The following IGF2BP3 variants were observed in gnomAD, a reference collection of about 807,000 sequenced individuals.
The protein encoded by IGF2BP3 is insulin-like growth factor 2 mRNA-binding protein 3.
Under a neutral mutation model 73.8 loss-of-function variants are expected in IGF2BP3, and 9 were observed. The ratio of observed to expected loss-of-function variants is 0.12; its 90% CI spans 0.07 to 0.21. IGF2BP3 has a LOEUF of 0.21. Ranked by LOEUF, IGF2BP3 falls within the 10% of genes least tolerant of loss-of-function variation. The pLI is 1.00. For synonymous variants in IGF2BP3, 258 were observed against 256.7 expected (o/e 1.01, Z -0.05); for missense variants, 542 against 714.0 (o/e 0.76, Z 2.75).
intron 3 of IGF2BP3, chr7:23,402,271 A>G (rs376046365): frequency 6.6e-6 from 1 of 152,246 alleles, no homozygotes; most frequent in East Asian, 1.9e-4. Flanking sequence ...AAAGTAACAT[A>G]TACTTTGCAG....
At chr7:23,425,008 AAAC>A (rs1787468154) in intron 2 of IGF2BP3, among the ~76,000 whole-genome samples, 1 of 152,240 alleles carries the variant, frequency 6.6e-6, no homozygotes, top group Admixed American at 6.5e-5. Context: ...CTACTCCAGT[AAAC>A]AACAATGAAA....
At chr7:23,437,776 A>C (rs138488233) in intron 2 of IGF2BP3, among the ~76,000 whole-genome samples, 499 of 152,346 alleles carry the variant, frequency 3.3e-3, no homozygotes, top group Non-Finnish European at 5.5e-3. Context: ...AAAACTATTC[A>C]GTGACTCCTT....
At chr7:23,419,606 C>T (rs985077748) in intron 2 of IGF2BP3, among the ~76,000 whole-genome samples, 3 of 152,312 alleles carry the variant, frequency 2.0e-5, no homozygotes, top group East Asian at 1.9e-4. Context: ...AATCCCAACA[C>T]TTTGGGTGGC....
Position 23,427,717 on chromosome 7 carries a change from G to A in IGF2BP3, c.237-8893C>T, listed in dbSNP as rs556341085. On this transcript the variant is annotated intron_variant, in intron 2 of 14. Coordinates refer to ENST00000258729, the MANE Select transcript of IGF2BP3 (RefSeq NM_006547.3). ...TGAAACCCCATCTCTACTAAAAATA[G>A]AAAAATTAGGCCAGGCACAGTGGCT... 2.7e-5 allele frequency among the ~76,000 whole-genome samples: 4 copies of A among 150,916 alleles called. No homozygotes were observed. The South Asian group carries it at 8.4e-4, about 32-fold the overall frequency.
chr7:23,337,450 G>T (rs1355582078), intron 10 of IGF2BP3, among the ~76,000 whole-genome samples: 3 of 152,134 alleles, frequency 2.0e-5, no homozygotes, highest in Non-Finnish European at 2.9e-5. Flanking sequence ...GCTCTGGGAG[G>T]CTCCTTTAAC....
chr7:23,406,516 C>T (rs906746613), intron 3 of IGF2BP3, among the ~76,000 whole-genome samples: 1 of 152,050 alleles, frequency 6.6e-6, no homozygotes, highest in South Asian at 2.1e-4. Context: ...CCAGTGGGTT[C>T]GTGGTCTTGC....
At chr7:23,398,133 G>A (rs1005966442) in intron 3 of IGF2BP3, among the ~76,000 whole-genome samples, 1 of 143,578 alleles carries the variant, frequency 7.0e-6, no homozygotes, top group Non-Finnish European at 1.5e-5. Flanking sequence ...TCATTGTTCA[G>A]TTCCCACCTA....
At chr7:23,316,673 T>G (rs1462513354) in intron 12 of IGF2BP3, among the ~76,000 whole-genome samples, 8 of 76,342 alleles carry the variant, frequency 1.0e-4, no homozygotes, top group Admixed American at 1.9e-4. Context: ...AGACTCTGTC[T>G]CAAAAAAAAA....
At chr7:23,336,419 C>T (rs193173670) in intron 10 of IGF2BP3, among the ~76,000 whole-genome samples, 3 of 152,142 alleles carry the variant, frequency 2.0e-5, no homozygotes, top group East Asian at 3.9e-4. Flanking sequence ...AGCAAAATGC[C>T]CGTCCATCTT....
intron 12 of IGF2BP3, among the ~76,000 whole-genome samples, chr7:23,314,038 T>A (rs1419768513): frequency 6.6e-6 from 1 of 152,218 alleles, no homozygotes; most frequent in African/African-American, 2.4e-5. Flanking sequence ...TCCTTTTTGT[T>A]GGAGTCAGGG....
At chr7:23,400,161 C>T (rs962904051) in intron 3 of IGF2BP3, among the ~76,000 whole-genome samples, 1 of 152,162 alleles carries the variant, frequency 6.6e-6, no homozygotes, top group East Asian at 1.9e-4. Flanking sequence ...GTAAATCATG[C>T]ATTAAAACAA....
At chr7:23,377,889 C>T (rs1235639046) in intron 3 of IGF2BP3, among the ~76,000 whole-genome samples, 2 of 152,088 alleles carry the variant, frequency 1.3e-5, no homozygotes, top group African/African-American at 4.8e-5. Flanking sequence ...TAAATGTCCA[C>T]AATAGGCAAA....
intron 2 of IGF2BP3, among the ~76,000 whole-genome samples, chr7:23,461,655 C>G (rs1283564252): frequency 3.9e-5 from 6 of 152,220 alleles, no homozygotes; most frequent in Non-Finnish European, 8.8e-5. Flanking sequence ...TACTCATTAC[C>G]TCCAAAGCTA....
intron 9 of IGF2BP3, among the ~76,000 whole-genome samples, chr7:23,343,053 G>C (rs1191528613): frequency 6.6e-6 from 1 of 152,162 alleles, no homozygotes; most frequent in African/African-American, 2.4e-5. Context: ...TAAAATTTAA[G>C]ACAGGCTTTT....
intron 3 of IGF2BP3, among the ~76,000 whole-genome samples, chr7:23,378,712 T>C (rs140489623): frequency 0.016 from 2,480 of 151,508 alleles, 83 homozygotes; most frequent in East Asian, 0.12. Flanking sequence ...TAGCTGGGAC[T>C]ACAGGTGCAC....
intron 3 of IGF2BP3, among the ~76,000 whole-genome samples, chr7:23,408,523 G>C (rs1341629644): frequency 6.6e-6 from 1 of 152,172 alleles, no homozygotes; most frequent in Non-Finnish European, 1.5e-5. Flanking sequence ...TGGACATGGA[G>C]AAGTTAGAAC....
At position 23,329,828 on chromosome 7, in the gene IGF2BP3, T is replaced by C. The variant is rs1263111802; in HGVS notation, c.1204-10574A>G. ...ATCCAATTTCTAGAAACTAACAACA[T>C]TCTCATTTTAGAATTGAAAAAACTG... On this transcript the variant is annotated intron_variant, in intron 10 of 14. Transcript: ENST00000258729. 2.0e-5 allele frequency among the ~76,000 whole-genome samples: 3 copies of C among 152,180 alleles called. No individual in the cohort carries two copies. The East Asian group carries it at 5.8e-4, about 29-fold the overall frequency.
At chr7:23,320,181 G>C (rs1254171513) in intron 10 of IGF2BP3, among the ~76,000 whole-genome samples, 1 of 151,944 alleles carries the variant, frequency 6.6e-6, no homozygotes, top group Non-Finnish European at 1.5e-5. Flanking sequence ...CAAAGTGCTG[G>C]GATTACAGGC....
At chr7:23,373,561 T>C (rs2128513072) in intron 3 of IGF2BP3, among the ~76,000 whole-genome samples, 1 of 152,172 alleles carries the variant, frequency 6.6e-6, no homozygotes, top group East Asian at 1.9e-4. Flanking sequence ...TAATGAGTGT[T>C]GACACAGATG....
Sources: allele counts gnomAD v4.1 joint callset (sites outside exome capture counted in the v4.1 genomes callset), GRCh38; gene constraint gnomAD v4.1.1; transcripts MANE v1.5; gene names NCBI Gene and HGNC (gene_info 2026-07-23, HGNC 2026-07-21).